The following KIF18A variants were observed in gnomAD, a reference collection of about 807,000 sequenced individuals.
The protein encoded by KIF18A is kinesin family member 18A, also known as kinesin-like protein KIF18A.
Under a neutral mutation model 103.3 loss-of-function variants are expected in KIF18A, and 67 were observed. That is an observed-to-expected ratio of 0.65 (90% confidence interval 0.53 to 0.79). The LOEUF (loss-of-function observed/expected upper bound fraction) is 0.79. Ranked by LOEUF, KIF18A falls within the 30% of genes least tolerant of loss-of-function variation. KIF18A has a pLI of 0.00. For missense variants in KIF18A, 1,032 were observed against 1,062.5 expected (o/e 0.97, Z 0.40); for synonymous variants, 367 against 355.5 (o/e 1.03, Z -0.36).
intron 13 of KIF18A, among the ~76,000 whole-genome samples, chr11:28,058,461 G>A (rs1239676027): frequency 7.0e-6 from 1 of 143,466 alleles, no homozygotes; most frequent in Non-Finnish European, 1.5e-5. Context: ...AGGTCAGCCT[G>A]GGTAACAGTG....
At chr11:28,031,226 T>C (rs1195666486) in intron 15 of KIF18A, among the ~76,000 whole-genome samples, 3 of 152,148 alleles carry the variant, frequency 2.0e-5, no homozygotes, top group Non-Finnish European at 2.9e-5. Context: ...TAAAGACACA[T>C]GCACACGTAT....
chr11:28,059,327 T>C (rs1377308851), intron 12 of KIF18A, among the ~76,000 whole-genome samples, 166 bp from the exon 13 acceptor site: 3 of 152,192 alleles, frequency 2.0e-5, no homozygotes, highest in African/African-American at 7.2e-5. Context: ...CCATATGACC[T>C]TGGACAAGGC....
At chr11:28,083,381 T>C in intron 7 of KIF18A, 138 bp from the exon 8 acceptor site, 1 of 938,596 alleles carries the variant, frequency 1.1e-6, no homozygotes, top group Non-Finnish European at 1.5e-6. Context: ...ATTTAAAATC[T>C]ATGACAAGAG....
At chr11:28,024,191 T>TAAA (rs60587483) in intron 15 of KIF18A, among the ~76,000 whole-genome samples, 8,672 of 110,812 alleles carry the variant, frequency 0.078, 340 homozygotes, top group Middle Eastern at 0.11. Context: ...CACAAGAGGT[T>TAAA]AAAAAAAAAA....
intron 13 of KIF18A, among the ~76,000 whole-genome samples, chr11:28,050,435 A>G (rs1850696549): frequency 6.6e-6 from 1 of 151,858 alleles, no homozygotes. Flanking sequence ...AGAAATTAGT[A>G]TAGAGATTTC....
At position 28,062,520 on chromosome 11, in the gene KIF18A, G is replaced by A. The variant is rs770905206; in HGVS notation, c.1591-4C>T. On this transcript the variant is annotated splice_region_variant and splice_polypyrimidine_tract_variant and intron_variant, in intron 11 of 16. Coordinates refer to ENST00000263181, the MANE Select transcript of KIF18A (RefSeq NM_031217.4). The stretch of plus-strand genomic sequence containing the variant: ...AATGAAGATCTTTCTTGAGTTCCTA[G>A]GGCAAACAATACAAAATGTACTTCA... The A allele has an allele frequency of 6.2e-7, 1 of 1,606,522 alleles. No homozygotes were observed. The highest frequency in any genetic ancestry group is 1.1e-5 in the South Asian group (1 of 89,730).
At position 28,059,008 on chromosome 11, in the gene KIF18A, TTCGGCAGTTTGG is replaced by T. The variant is rs1850822720; in HGVS notation, c.1854_1865del (p.Asp618_Ala621del). 1 of 1,614,114 alleles carries T rather than the reference TTCGGCAGTTTGG, an allele frequency of 6.2e-7. No homozygotes were observed. Among genetic ancestry groups the T allele is most frequent in the Non-Finnish European group, 8.5e-7 (1 of 1,179,980 alleles). On this transcript the variant is annotated inframe_deletion, in exon 13 of 17. Coordinates refer to ENST00000263181, the MANE Select transcript of KIF18A (RefSeq NM_031217.4). ...CTGGTAGATCGTTTTGCTTTGGTTG[TTCGGCAGTTTGG>T]TCAGCCCAAACTACCACTTTTTTCC... is the stretch of plus-strand genomic sequence containing the variant.
At chr11:28,037,209 G>A in intron 13 of KIF18A, among the ~76,000 whole-genome samples, 1 of 151,510 alleles carries the variant, frequency 6.6e-6, no homozygotes, top group Non-Finnish European at 1.5e-5. Flanking sequence ...TGGAAGTCTA[G>A]TCTAAATGAA....
intron 13 of KIF18A, among the ~76,000 whole-genome samples, chr11:28,055,082 G>GA (rs1850761311): frequency 6.6e-6 from 1 of 152,134 alleles, no homozygotes; most frequent in South Asian, 2.1e-4. Flanking sequence ...GAGAGAATCT[G>GA]AAAAAAACTT....
intron 15 of KIF18A, among the ~76,000 whole-genome samples, chr11:28,033,313 A>T (rs905887959): frequency 6.6e-6 from 1 of 151,636 alleles, no homozygotes; most frequent in Non-Finnish European, 1.5e-5. Flanking sequence ...GTCCTCAAAA[A>T]ACTAAAAATA....
At chr11:28,057,786 G>T (rs1850800625) in intron 13 of KIF18A, among the ~76,000 whole-genome samples, 1 of 152,054 alleles carries the variant, frequency 6.6e-6, no homozygotes. Context: ...TAGAAAAAAG[G>T]TTAATTAAAT....
At chr11:28,080,810 T>C (rs1024866561) in intron 9 of KIF18A, among the ~76,000 whole-genome samples, 2 of 152,196 alleles carry the variant, frequency 1.3e-5, no homozygotes, top group African/African-American at 4.8e-5. Context: ...AAAGCCAAGA[T>C]AGGCGAAAAG....
chr11:28,032,326 C>T (rs1197534015), intron 15 of KIF18A, among the ~76,000 whole-genome samples: 1 of 151,820 alleles, frequency 6.6e-6, no homozygotes, highest in Non-Finnish European at 1.5e-5. Flanking sequence ...CAATCCCTAT[C>T]AAAATACCAA....
intron 13 of KIF18A, among the ~76,000 whole-genome samples, chr11:28,045,727 T>A (rs1850623342): frequency 6.6e-6 from 1 of 152,048 alleles, no homozygotes; most frequent in African/African-American, 2.4e-5. Context: ...TTATAACATC[T>A]AAACACTAAT....
At chr11:28,076,400 A>G (rs1376706853) in intron 10 of KIF18A, 1 of 152,192 alleles carries the variant, frequency 6.6e-6, no homozygotes, top group African/African-American at 2.4e-5. Flanking sequence ...GGCTAACCTG[A>G]GTGGGTAAAC....
intron 6 of KIF18A, among the ~76,000 whole-genome samples, chr11:28,086,259 C>T (rs1851227597): frequency 6.6e-6 from 1 of 152,042 alleles, no homozygotes; most frequent in African/African-American, 2.4e-5. Context: ...ATAATAACTG[C>T]ATGGCTTAGA....
chr11:28,053,123 C>A (rs1850732437), intron 13 of KIF18A, among the ~76,000 whole-genome samples: 1 of 152,132 alleles, frequency 6.6e-6, no homozygotes. Flanking sequence ...ACTGCATAGG[C>A]ATGAACCTTG....
chr11:28,074,815 TATAAG>T (rs1324534639), intron 10 of KIF18A, among the ~76,000 whole-genome samples: 1 of 152,140 alleles, frequency 6.6e-6, no homozygotes, highest in South Asian at 2.1e-4. Flanking sequence ...GGTTGTTACT[TATAAG>T]ATAAAGCTTT....
chr11:28,026,254 A>G (rs1030128315), intron 15 of KIF18A, among the ~76,000 whole-genome samples: 2 of 151,814 alleles, frequency 1.3e-5, no homozygotes, highest in South Asian at 2.1e-4. Context: ...ATGCCATTTT[A>G]TGCAAAATAA....
Sources: allele counts gnomAD v4.1 joint callset (sites outside exome capture counted in the v4.1 genomes callset), GRCh38; gene constraint gnomAD v4.1.1; transcripts MANE v1.5; gene names NCBI Gene and HGNC (gene_info 2026-07-23, HGNC 2026-07-21).